POLQ: variants seen among roughly 807,000 people sequenced by gnomAD.
POLQ encodes the protein epididymis secretory sperm binding protein.
A neutral mutation model predicts 259.2 loss-of-function variants in POLQ; 233 were observed. The ratio of observed to expected loss-of-function variants is 0.90; its 90% CI spans 0.81 to 1.00. POLQ has a LOEUF of 1.00. Among genes scored for constraint, POLQ ranks in the 50% least tolerant of loss-of-function variants. The probability of loss-of-function intolerance (pLI) is 0.00; values close to 1 mark genes in which losing one functional copy is unlikely to be tolerated. For synonymous variants in POLQ, 1,025 were observed against 1,048.8 expected, an observed-to-expected ratio of 0.98 and a Z score of 0.44; for missense variants, 2,871 against 3,051.6, an observed-to-expected ratio of 0.94 and a Z score of 1.39.
chr3:121,528,163 C>T (rs1560107585), intron 7 of POLQ, among the ~76,000 whole-genome samples: 2 of 152,008 alleles, frequency 1.3e-5, no homozygotes, highest in Non-Finnish European at 1.5e-5. Flanking sequence ...ACTCTGTCAC[C>T]TAGGTTAGAG....
intron 15 of POLQ, among the ~76,000 whole-genome samples, chr3:121,490,929 C>T (rs1034057661): frequency 2.0e-5 from 3 of 151,986 alleles, no homozygotes; most frequent in Non-Finnish European, 4.4e-5. Context: ...GTAGCGGGTA[C>T]CTGTAATTAC....
chr3:121,473,775 A>G (rs1049587920), intron 20 of POLQ, among the ~76,000 whole-genome samples: 3 of 130,172 alleles, frequency 2.3e-5, no homozygotes, highest in Non-Finnish European at 4.7e-5. Flanking sequence ...CACCCAGGCC[A>G]GAGTGTAGTG....
chr3:121,537,303 A>C (rs865897573), intron 4 of POLQ, 95 bp from the exon 5 acceptor site: 84 of 717,006 alleles, frequency 1.2e-4, no homozygotes, highest in Middle Eastern at 9.7e-4. Context: ...AATTTCCTTT[A>C]TATCAACTTT....
chr3:121,470,035 T>A (rs1399834555), intron 22 of POLQ, among the ~76,000 whole-genome samples: 1 of 152,204 alleles, frequency 6.6e-6, no homozygotes, highest in East Asian at 1.9e-4. Context: ...CTGGGCGTGG[T>A]GGCTAATGCC....
chr3:121,480,672 T>C (rs767937863), intron 19 of POLQ, among the ~76,000 whole-genome samples: 1 of 152,152 alleles, frequency 6.6e-6, no homozygotes, highest in Non-Finnish European at 1.5e-5. Flanking sequence ...CAAAAGCACA[T>C]TGAAATTGTG....
At chr3:121,459,986 T>C (rs567956435) in intron 25 of POLQ, 64 bp downstream of exon 25, 1 of 1,277,060 alleles carries the variant, frequency 7.8e-7, no homozygotes, top group Non-Finnish European at 1.1e-6. Context: ...ATTGAGACCA[T>C]TTTTAATTTT....
At position 121,431,764 on chromosome 3, in the gene POLQ, C is replaced by T. The variant is rs1397600758; in HGVS notation, c.*540G>A. On this transcript the variant is annotated 3_prime_UTR_variant, in exon 30 of 30. Coordinates refer to ENST00000264233, the MANE Select transcript of POLQ (RefSeq NM_199420.4). Reference sequence around the variant, plus strand: ...TATTCATTCCTACACTCCAACCATACCAAGTCTTACTACTTTATAGAATTC... The same window carrying T: ...TATTCATTCCTACACTCCAACCATATCAAGTCTTACTACTTTATAGAATTC... 2 of 152,634 alleles carry T rather than the reference C, an allele frequency of 1.3e-5. No homozygotes were observed. Among genetic ancestry groups the T allele is most frequent in the Non-Finnish European group, 2.9e-5 (2 of 68,066 alleles). 9.5% of individuals were successfully genotyped at this position (152,634 alleles called of 1,614,324 possible).
chr3:121,438,960 G>A (rs984480522), intron 27 of POLQ, among the ~76,000 whole-genome samples: 4 of 152,190 alleles, frequency 2.6e-5, no homozygotes, highest in East Asian at 1.9e-4. Flanking sequence ...GAAGTTTAGC[G>A]GGGTATTTTC....
At chr3:121,541,030 G>A (rs1275946620) in intron 3 of POLQ, among the ~76,000 whole-genome samples, 9 of 151,822 alleles carry the variant, frequency 5.9e-5, no homozygotes, top group African/African-American at 9.7e-5. Context: ...ACAGGTGTGC[G>A]CCACAACACC....
At chr3:121,477,919 G>GT (rs1468146675) in intron 19 of POLQ, among the ~76,000 whole-genome samples, 2 of 152,160 alleles carry the variant, frequency 1.3e-5, no homozygotes, top group African/African-American at 4.8e-5. Flanking sequence ...GTACGAGACC[G>GT]TCAGAGCCTG....
chr3:121,479,578 T>C (rs12635218), intron 19 of POLQ, among the ~76,000 whole-genome samples: 95,843 of 151,802 alleles, frequency 0.63, 30,650 homozygotes, highest in East Asian at 0.89. Context: ...CTCAGCCTCC[T>C]GAGTAGCTGG....
In POLQ at chr3:121,499,782, CAAAAGAAATA is replaced by C. The variant is rs538671499; in HGVS notation, c.1960-1122_1960-1113del. The stretch of plus-strand genomic sequence containing the variant: ...TCTCAAACACAGGGGGAAAAGCAGG[CAAAAGAAATA>C]AAAAGAAATACCTTTGAGAGGGTCC... On this transcript the variant is annotated intron_variant, in intron 12 of 29. Coordinates refer to ENST00000264233, the MANE Select transcript of POLQ (RefSeq NM_199420.4). 3.1e-3 allele frequency among the ~76,000 whole-genome samples: 474 copies of C among 151,820 alleles called. 7 individuals carry two copies. Among genetic ancestry groups the C allele is most frequent in the African/African-American group, 0.011 (451 of 41,390 alleles).
chr3:121,501,008 G>A (rs1351768170), intron 12 of POLQ, among the ~76,000 whole-genome samples: 1 of 152,054 alleles, frequency 6.6e-6, no homozygotes, highest in Non-Finnish European at 1.5e-5. Context: ...CTGTCACCCT[G>A]GCTGGAGTGC....
Position 121,436,245 on chromosome 3 carries a change from G to A in POLQ, c.7420C>T (p.Gln2474Ter). Residue 2474 changes from glutamine to a stop codon, truncating the protein, a stop_gained, in exon 28 of 30, where the codon CAA (glutamine) becomes TAA (stop). Transcript: ENST00000264233. LOFTEE classifies it high-confidence loss of function. Reference protein sequence around the residue: ...AERQAINTIVQGSAADIVKIA... With the variant: ...AERQAINTIV ...TTGACAATATCAGCTGCTGATCCTT[G>A]GACTATTGTGTTGATAGCTTGACGC... 2 of 1,613,728 alleles carry A rather than the reference G, an allele frequency of 1.2e-6. No homozygotes were observed. The highest frequency in any genetic ancestry group is 1.7e-6 in the Non-Finnish European group (2 of 1,179,734).
Position 121,485,011 on chromosome 3 carries a change from T to C in POLQ, c.5773+30A>G, listed in dbSNP as rs3845859. On this transcript the variant is annotated intron_variant, in intron 17 of 29. Transcript: ENST00000264233. ...CCTAATGGATGTTACAGTAATTACA[T>C]AGTGACTTAGCCAAATACTCATTAC... The C allele has an allele frequency of 2.7e-3, 4,088 of 1,537,272 alleles. 108 individuals carry two copies. The African/African-American group carries it at 0.05, about 19-fold the overall frequency.
Position 121,498,687 on chromosome 3 carries a change from T to G in POLQ, c.1960-17A>C, listed in dbSNP as rs750984288. ...AGGTGTAACCTAAAAGGAAGAAGTA[T>G]TATTCATTAACTAAAACTATTATAT... On this transcript the variant is annotated splice_polypyrimidine_tract_variant and intron_variant, in intron 12 of 29. Transcript: ENST00000264233. The G allele has an allele frequency of 1.9e-6, 3 of 1,545,262 alleles. No homozygotes were observed. Among genetic ancestry groups the G allele is most frequent in the Admixed American group, 3.5e-5 (2 of 57,162 alleles).
At chr3:121,542,987 A>AG (rs1365098838) in intron 2 of POLQ, among the ~76,000 whole-genome samples, 1 of 150,502 alleles carries the variant, frequency 6.6e-6, no homozygotes, top group African/African-American at 2.4e-5. Flanking sequence ...AACTCCATCA[A>AG]AAAAAAAAGA....
intron 20 of POLQ, among the ~76,000 whole-genome samples, chr3:121,476,282 G>A (rs182581099): frequency 1.2e-4 from 18 of 152,182 alleles, no homozygotes; most frequent in South Asian, 6.2e-4. Flanking sequence ...TCCCTCCTCC[G>A]TTCCAGGCAA....
chr3:121,442,488 C>G (rs116119136), intron 26 of POLQ, among the ~76,000 whole-genome samples: 1 of 152,148 alleles, frequency 6.6e-6, no homozygotes, highest in African/African-American at 2.4e-5. Flanking sequence ...TCTATCTCCA[C>G]GAGTTCAATT....
Sources: gnomAD v4.1 joint callset for allele counts (sites outside exome capture counted in the v4.1 genomes callset) on GRCh38, gnomAD v4.1.1 for gene constraint, MANE v1.5 for transcripts, NCBI Gene and HGNC (gene_info 2026-07-23, HGNC 2026-07-21) for gene names.